Variants in ANKRD11 observed in about 807,000 individuals in gnomAD.
The protein encoded by ANKRD11 is ankyrin repeat domain 11, also known as ankyrin repeat domain-containing protein 11.
A neutral mutation model predicts 195.7 loss-of-function variants in ANKRD11; 17 were observed. That is an observed-to-expected ratio of 0.09 (90% confidence interval 0.06 to 0.13). The LOEUF (loss-of-function observed/expected upper bound fraction) is 0.13, where lower values mean the gene tolerates loss of function less well. Ranked by LOEUF, ANKRD11 falls within the 10% of genes least tolerant of loss-of-function variation. The pLI, the probability that ANKRD11 is intolerant of heterozygous loss-of-function variation, is 1.00. For missense variants in ANKRD11, 3,735 were observed against 3,566.1 expected (o/e 1.05, Z -1.21); for synonymous variants, 1,953 against 1,528.1 (o/e 1.28, Z -6.49).
At chr16:89,440,183 G>C (rs1052794820) in intron 1 of ANKRD11, among the ~76,000 whole-genome samples, 1 of 152,192 alleles carries the variant, frequency 6.6e-6, no homozygotes, top group African/African-American at 2.4e-5. Context: ...GGGTTCACAG[G>C]ATTCTTCCTC....
intron 2 of ANKRD11, among the ~76,000 whole-genome samples, chr16:89,392,073 T>G (rs987780114): frequency 9.9e-5 from 15 of 152,138 alleles, no homozygotes; most frequent in Non-Finnish European, 8.8e-5. Context: ...TCTAAGTTGC[T>G]AGCCAATCGG....
chr16:89,284,250 C>T lies in ANKRD11; in HGVS notation c.2292G>A (p.Glu764=), dbSNP rs149626938. 1,022 of 1,613,498 alleles carry T rather than the reference C, an allele frequency of 6.3e-4. 2 individuals carry two copies. The highest frequency in any genetic ancestry group is 6.9e-4 in the Non-Finnish European group (817 of 1,179,958). The stretch of plus-strand genomic sequence containing the variant: ...GCCGGTCTTTTGATTTCTTCTTTCT[C>T]TCCTCTTTGTACAGTCTCAGTTTTT... ...KEEKLRLYKE[E]RKKKSKDRPS... Residue 764 remains glutamate, a synonymous_variant, in exon 9 of 13, where the codon GAG becomes GAA. Coordinates refer to ENST00000301030, the MANE Select transcript of ANKRD11 (RefSeq NM_013275.6).
intron 2 of ANKRD11, among the ~76,000 whole-genome samples, chr16:89,379,492 A>C (rs2040556230): frequency 6.6e-6 from 1 of 152,178 alleles, no homozygotes; most frequent in Non-Finnish European, 1.5e-5. Context: ...GTCCAACTTG[A>C]ACATTTTTTT....
At position 89,335,482 on chromosome 16, in the gene ANKRD11, G is replaced by T. The variant is rs2038304688; in HGVS notation, c.-59-18404C>A. Among the ~76,000 whole-genome samples, 2 of 152,330 alleles carry T rather than the reference G, an allele frequency of 1.3e-5. 1 individual carries two copies. Among genetic ancestry groups the T allele is most frequent in the Non-Finnish European group, 2.9e-5 (2 of 68,028 alleles). On this transcript the variant is annotated intron_variant, in intron 2 of 12. Transcript: ENST00000301030. ...CCACCTAGCACGCAGTACGCAGTGG[G>T]TTAGGGCAGGTGCTCTCCCTCCTCT...
At chr16:89,397,290 C>T (rs1027389941) in intron 2 of ANKRD11, among the ~76,000 whole-genome samples, 2 of 152,218 alleles carry the variant, frequency 1.3e-5, no homozygotes, top group African/African-American at 4.8e-5. Context: ...CCAAGAACCC[C>T]CTCAGGGCAA....
intron 1 of ANKRD11, among the ~76,000 whole-genome samples, chr16:89,450,306 C>G (rs2044011569): frequency 6.6e-6 from 1 of 152,174 alleles, no homozygotes; most frequent in Admixed American, 6.5e-5. Flanking sequence ...ATTCACCCCC[C>G]ATTTTGTAAA....
chr16:89,410,702 G>A (rs1267800277), intron 2 of ANKRD11, among the ~76,000 whole-genome samples: 1 of 152,178 alleles, frequency 6.6e-6, no homozygotes, highest in African/African-American at 2.4e-5. Flanking sequence ...TTAGCAAAAC[G>A]TCAACGATAC....
intron 1 of ANKRD11, among the ~76,000 whole-genome samples, chr16:89,483,393 A>T (rs1263131403): frequency 6.6e-6 from 1 of 152,228 alleles, no homozygotes; most frequent in African/African-American, 2.4e-5. Flanking sequence ...ATCAAGCATG[A>T]ATGTAAATCT....
intron 2 of ANKRD11, among the ~76,000 whole-genome samples, chr16:89,399,022 T>A (rs1249734780): frequency 6.6e-6 from 1 of 152,162 alleles, no homozygotes; most frequent in African/African-American, 2.4e-5. Flanking sequence ...AGCTCCATGC[T>A]CTGTGAGACG....
At chr16:89,432,653 A>G (rs112045649) in intron 1 of ANKRD11, among the ~76,000 whole-genome samples, 12 of 152,232 alleles carry the variant, frequency 7.9e-5, no homozygotes, top group African/African-American at 7.2e-5. Flanking sequence ...ATATTTTTAT[A>G]CTATGTCACC....
chr16:89,319,735 T>C (rs536350611), intron 2 of ANKRD11, among the ~76,000 whole-genome samples: 1 of 152,336 alleles, frequency 6.6e-6, no homozygotes, highest in East Asian at 1.9e-4. Context: ...GTAGCTGCCA[T>C]CTAGCCCAGG....
At chr16:89,348,998 C>T (rs1173565431) in intron 2 of ANKRD11, among the ~76,000 whole-genome samples, 2 of 150,940 alleles carry the variant, frequency 1.3e-5, no homozygotes, top group African/African-American at 2.4e-5. Context: ...AGTAGTAGAG[C>T]GCACTTGTAA....
rs146294483 is a variant in ANKRD11, at chr16:89,284,326, G to C, written c.2216C>G (p.Ser739Trp). The C allele has an allele frequency of 6.2e-6, 10 of 1,613,442 alleles. No homozygotes were observed. The highest frequency in any genetic ancestry group is 7.6e-6 in the Non-Finnish European group (9 of 1,179,980). The change falls in exon 9 of 13, where the codon TCG (serine) becomes TGG (tryptophan). Residue 739 changes from serine (S) to tryptophan (W), a missense_variant. Coordinates refer to ENST00000301030, the MANE Select transcript of ANKRD11 (RefSeq NM_013275.6). Reference sequence around the variant, plus strand: ...CGATCTCTCCTTTTCTGCTTTATTCGAACGGTCTTTCTCTTCTCGGAAAGA... The same window carrying C: ...CGATCTCTCCTTTTCTGCTTTATTCCAACGGTCTTTCTCTTCTCGGAAAGA... ...SRSFREEKDR[S>W]NKAEKERSLK...
intron 1 of ANKRD11, chr16:89,422,216 A>T (rs1280896972): frequency 2.6e-5 from 4 of 152,212 alleles, no homozygotes; most frequent in Non-Finnish European, 4.4e-5. Context: ...TAAGAGGCCG[A>T]GGTGGGAGGA....
Position 89,364,532 on chromosome 16 carries a change from G to A in ANKRD11, c.-59-47454C>T, listed in dbSNP as rs551084926. Among the ~76,000 whole-genome samples, 371 of 152,264 alleles carry A rather than the reference G, an allele frequency of 2.4e-3. 2 individuals are homozygous for A. The highest frequency in any genetic ancestry group is 8.4e-3 in the African/African-American group (347 of 41,532). Reference sequence around the variant, plus strand: ...TCTTAACCTATTCGCCCTCAAAACAGCGCTGAGCACAGCAGTCAGACCCTA... The same window carrying A: ...TCTTAACCTATTCGCCCTCAAAACAACGCTGAGCACAGCAGTCAGACCCTA... On this transcript the variant is annotated intron_variant, in intron 2 of 12. Coordinates refer to ENST00000301030, the MANE Select transcript of ANKRD11 (RefSeq NM_013275.6).
intron 2 of ANKRD11, among the ~76,000 whole-genome samples, chr16:89,336,587 A>G (rs1369427224): frequency 6.6e-6 from 1 of 152,148 alleles, no homozygotes; most frequent in Non-Finnish European, 1.5e-5. Flanking sequence ...CAGCACTTCA[A>G]TGAGACACAA....
At chr16:89,271,576 CAG>C (rs1387650409) in intron 11 of ANKRD11, 1 of 158,616 alleles carries the variant, frequency 6.3e-6, no homozygotes, top group African/African-American at 2.4e-5. Flanking sequence ...GGAGCACCGA[CAG>C]AAACCCACAC....
intron 1 of ANKRD11, among the ~76,000 whole-genome samples, chr16:89,462,788 C>A (rs1311716399): frequency 6.6e-6 from 1 of 151,694 alleles, no homozygotes; most frequent in African/African-American, 2.4e-5. Context: ...AGACCCTCTG[C>A]CCGGCAACCA....
chr16:89,421,867 A>C (rs2042524314), intron 1 of ANKRD11, among the ~76,000 whole-genome samples: 1 of 152,204 alleles, frequency 6.6e-6, no homozygotes, highest in Admixed American at 6.5e-5. Context: ...GGTGGGGGTA[A>C]CCAAAACCAG....
Sources: allele counts gnomAD v4.1 joint callset (sites outside exome capture counted in the v4.1 genomes callset), GRCh38; gene constraint gnomAD v4.1.1; transcripts MANE v1.5; gene names NCBI Gene and HGNC (gene_info 2026-07-23, HGNC 2026-07-21).